The following PPFIA2 variants were observed in gnomAD, a reference collection of about 807,000 sequenced individuals.
The protein encoded by PPFIA2 is liprin-alpha-2.
Under a neutral mutation model 175.5 loss-of-function variants are expected in PPFIA2, and 46 were observed. That is an observed-to-expected ratio of 0.26 (90% confidence interval 0.21 to 0.34). The LOEUF (loss-of-function observed/expected upper bound fraction) is 0.34, where lower values mean the gene tolerates loss of function less well. Ranked by LOEUF, PPFIA2 falls within the 10% of genes least tolerant of loss-of-function variation. The pLI is 1.00. For missense variants in PPFIA2, 1,179 were observed against 1,506.1 expected (o/e 0.78, Z 3.60); for synonymous variants, 568 against 511.4 (o/e 1.11, Z -1.49).
In PPFIA2 at chr12:81,259,206, A is replaced by G. The variant is rs1437768244; in HGVS notation, c.*488T>C. On this transcript the variant is annotated 3_prime_UTR_variant, in exon 33 of 33. Coordinates refer to ENST00000549396, the MANE Select transcript of PPFIA2 (RefSeq NM_003625.5). ...ACTATTAACAATCCAAAAACTGTAA[A>G]AATGGTGGAATGGTAAAATACAAAC... 1 of 230,014 alleles carries G rather than the reference A, an allele frequency of 4.3e-6. No homozygotes were observed. The highest frequency in any genetic ancestry group is 8.6e-6 in the Non-Finnish European group (1 of 116,018). 14.2% of individuals were successfully genotyped at this position (230,014 alleles called of 1,614,324 possible).
At chr12:81,416,046 A>G (rs192021029) in intron 7 of PPFIA2, among the ~76,000 whole-genome samples, 124 of 151,768 alleles carry the variant, frequency 8.2e-4, no homozygotes, top group Non-Finnish European at 1.2e-3. Flanking sequence ...TACAGAATAT[A>G]CAAAACAATT....
chr12:81,664,507 G>A (rs2069687239), intron 4 of PPFIA2, among the ~76,000 whole-genome samples: 1 of 152,082 alleles, frequency 6.6e-6, no homozygotes, highest in Non-Finnish European at 1.5e-5. Flanking sequence ...ACACCAGTTA[G>A]AATGGTGATC....
At chr12:81,656,450 C>T (rs1262591539) in intron 4 of PPFIA2, among the ~76,000 whole-genome samples, 6 of 152,112 alleles carry the variant, frequency 3.9e-5, no homozygotes, top group East Asian at 1.9e-4. Flanking sequence ...CTCCAGACTT[C>T]GCCATGCACA....
chr12:81,606,247 T>C (rs1054571511), intron 4 of PPFIA2, among the ~76,000 whole-genome samples: 4 of 152,102 alleles, frequency 2.6e-5, no homozygotes, highest in African/African-American at 7.2e-5. Context: ...TGATTCCATG[T>C]CTTTGCCATT....
intron 3 of PPFIA2, among the ~76,000 whole-genome samples, chr12:81,682,501 A>G (rs918559585): frequency 6.6e-6 from 1 of 152,048 alleles, no homozygotes; most frequent in African/African-American, 2.4e-5. Context: ...ATATTTCAAT[A>G]TAGAGTACAT....
At chr12:81,332,337 GA>G (rs2056293445) in intron 21 of PPFIA2, among the ~76,000 whole-genome samples, 1 of 151,992 alleles carries the variant, frequency 6.6e-6, no homozygotes, top group African/African-American at 2.4e-5. Context: ...TTTAACCACA[GA>G]AAACGCCATT....
At chr12:81,294,721 G>T in intron 24 of PPFIA2, 114 bp downstream of exon 24, 1 of 981,968 alleles carries the variant, frequency 1.0e-6, no homozygotes, top group Non-Finnish European at 1.6e-6. Flanking sequence ...TTAATCTCTT[G>T]AGAATAATTC....
At chr12:81,421,029 A>G (rs760116913) in intron 7 of PPFIA2, among the ~76,000 whole-genome samples, 1 of 152,284 alleles carries the variant, frequency 6.6e-6, no homozygotes, top group Middle Eastern at 3.4e-3. Context: ...AAAGTACTGA[A>G]AGAAAATAAC....
At chr12:81,527,683 T>G (rs1343005561) in intron 4 of PPFIA2, among the ~76,000 whole-genome samples, 1 of 152,172 alleles carries the variant, frequency 6.6e-6, no homozygotes, top group African/African-American at 2.4e-5. Context: ...GACTGAATTC[T>G]TATGTTCCAC....
At chr12:81,337,703 A>C (rs2057348234) in intron 21 of PPFIA2, among the ~76,000 whole-genome samples, 1 of 152,124 alleles carries the variant, frequency 6.6e-6, no homozygotes, top group Admixed American at 6.6e-5. Context: ...ATGAATATAT[A>C]TGTTGAAATA....
intron 4 of PPFIA2, among the ~76,000 whole-genome samples, chr12:81,584,821 AATTT>A (rs1282349952): frequency 1.5e-5 from 2 of 129,226 alleles, no homozygotes; most frequent in African/African-American, 5.8e-5. Context: ...ATATACAATA[AATTT>A]ATTATATTTA....
chr12:81,749,022 A>T (rs544409875), intron 3 of PPFIA2, among the ~76,000 whole-genome samples: 2 of 144,408 alleles, frequency 1.4e-5, no homozygotes, highest in Middle Eastern at 3.5e-3. Context: ...AACAAACAAG[A>T]TTCCCCAAAG....
intron 4 of PPFIA2, among the ~76,000 whole-genome samples, chr12:81,667,267 T>C (rs1358829144): frequency 6.6e-6 from 1 of 152,118 alleles, no homozygotes; most frequent in Non-Finnish European, 1.5e-5. Context: ...ATTTTATCAC[T>C]TTGTTGAAGG....
At chr12:81,529,289 A>T (rs2064156287) in intron 4 of PPFIA2, among the ~76,000 whole-genome samples, 2 of 152,030 alleles carry the variant, frequency 1.3e-5, no homozygotes, top group Non-Finnish European at 2.9e-5. Context: ...GTCATCATAG[A>T]TTTCTATAGT....
At chr12:81,474,364 T>C (rs1425972824) in intron 4 of PPFIA2, among the ~76,000 whole-genome samples, 3 of 151,958 alleles carry the variant, frequency 2.0e-5, no homozygotes, top group East Asian at 3.9e-4. Flanking sequence ...GCCATGTTTT[T>C]TGGGCTGCTC....
chr12:81,353,013 A>T, intron 17 of PPFIA2, 106 bp downstream of exon 17: 5 of 958,220 alleles, frequency 5.2e-6, no homozygotes, highest in Non-Finnish European at 8.0e-6. Context: ...CTGCAGATCT[A>T]TTAAGCTCCC....
chr12:81,539,255 A>G (rs1466278022), intron 4 of PPFIA2, among the ~76,000 whole-genome samples: 7 of 151,942 alleles, frequency 4.6e-5, no homozygotes, highest in East Asian at 1.9e-4. Flanking sequence ...ATTTGCATAT[A>G]TGTGTCTGAA....
chr12:81,705,645 T>A (rs547330380), intron 3 of PPFIA2, among the ~76,000 whole-genome samples: 3 of 152,108 alleles, frequency 2.0e-5, no homozygotes, highest in Non-Finnish European at 4.4e-5. Flanking sequence ...AATAGATTCT[T>A]GGGGAGTAAA....
At chr12:81,681,715 G>GAA (rs5799548) in intron 3 of PPFIA2, among the ~76,000 whole-genome samples, 42 of 146,386 alleles carry the variant, frequency 2.9e-4, no homozygotes, top group African/African-American at 1.0e-3. Context: ...GTGTGCAAGT[G>GAA]AAAAAAAAAA....
Sources: allele counts gnomAD v4.1 joint callset (sites outside exome capture counted in the v4.1 genomes callset), GRCh38; gene constraint gnomAD v4.1.1; transcripts MANE v1.5; gene names NCBI Gene and HGNC (gene_info 2026-07-23, HGNC 2026-07-21).